Variants in GNL3L observed in about 807,000 individuals in gnomAD.
GNL3L encodes guanine nucleotide-binding protein-like 3-like protein.
A neutral mutation model predicts 42.9 loss-of-function variants in GNL3L; 4 were observed. The observed-to-expected ratio is 0.09, with a 90% CI of 0.05 to 0.21. The LOEUF is 0.21. Among genes scored for constraint, GNL3L ranks in the 10% least tolerant of loss-of-function variants. The probability of loss-of-function intolerance (pLI) is 1.00; values close to 1 mark genes in which losing one functional copy is unlikely to be tolerated. For synonymous variants in GNL3L, 159 were observed against 176.3 expected (o/e 0.90, Z 0.78); for missense variants, 412 against 481.7 (o/e 0.86, Z 1.36).
Position 54,562,251 on chromosome X carries a change from G to A in GNL3L, c.*1649G>A, listed in dbSNP as rs2147499348. Among the ~76,000 whole-genome samples, 1 of 112,130 alleles carries A rather than the reference G, an allele frequency of 8.9e-6. No homozygotes were observed. Among genetic ancestry groups the A allele is most frequent in the South Asian group, 3.7e-4 (1 of 2,685 alleles). On this transcript the variant is annotated 3_prime_UTR_variant, in exon 16 of 16. Transcript: ENST00000360845. ...AGTAGAGACGATGTTTCACCATGTT[G>A]ACCAGGCTGGTCTCGAACTCTTGAC...
rs1483786746 is a variant in GNL3L, at chrX:54,564,498, C to T, written c.*3896C>T. On this transcript the variant is annotated 3_prime_UTR_variant, in exon 16 of 16. Transcript: ENST00000360845. The stretch of plus-strand genomic sequence containing the variant: ...TCTCGGTTCACTGCAACCTCCGCCT[C>T]CAGGGTTCAAGCGGTTCTCCTGCCT... Among the ~76,000 whole-genome samples, 1 of 103,876 alleles carries T rather than the reference C, an allele frequency of 9.6e-6. No individual in the cohort carries two copies. The highest frequency in any genetic ancestry group is 2.0e-5 in the Non-Finnish European group (1 of 51,054). 90.2% of individuals were successfully genotyped at this position (103,876 alleles called of 115,157 possible).
At chrX:54,572,750 G>C (rs1274705172) in intron 16 of GNL3L, among the ~76,000 whole-genome samples, 1 of 110,156 alleles carries the variant, frequency 9.1e-6, no homozygotes, top group East Asian at 2.9e-4. Flanking sequence ...CTTCCCAGAC[G>C]GGGTGGCTGC....
rs1339187477 is a variant in GNL3L, at chrX:54,564,916, T to G, written c.*4314T>G. Among the ~76,000 whole-genome samples, 1 of 106,482 alleles carries G rather than the reference T, an allele frequency of 9.4e-6. No individual in the cohort carries two copies. Among genetic ancestry groups the G allele is most frequent in the African/African-American group, 3.4e-5 (1 of 29,079 alleles). The allele number at this position is 106,482 out of a possible 115,157, so 92.5% of individuals were successfully genotyped here. On this transcript the variant is annotated 3_prime_UTR_variant, in exon 16 of 16. Transcript: ENST00000360845. ...GCTGGGCTAATTTTTGTATTTTTAG[T>G]AGAGGCGGGGGTTTCTCCACACTGG...
At chrX:54,628,913 T>TAATATAATTATAAAATATAATTATATAA in the GNL3L span, among the ~76,000 whole-genome samples, 1,187 of 101,717 alleles carry the variant, frequency 0.012, 13 homozygotes, top group Non-Finnish European at 0.018. Context: ...AAACATAATA[T>TAATATAATTATAAAATATAATTATATAA]AATATAATTA....
At chrX:54,620,136 T>C (rs1013608273) in intron 16 of GNL3L, among the ~76,000 whole-genome samples, 27 of 111,613 alleles carry the variant, frequency 2.4e-4, no homozygotes, top group Admixed American at 1.8e-3. Context: ...AATACAATTA[T>C]ACTCTTTCGG....
At chrX:54,606,641 A>ATTTT (rs762901505) in intron 16 of GNL3L, among the ~76,000 whole-genome samples, 3 of 99,668 alleles carry the variant, frequency 3.0e-5, no homozygotes, top group Non-Finnish European at 5.9e-5. Context: ...ATGCCAGGCC[A>ATTTT]ATTTTTTTTT....
the GNL3L span, among the ~76,000 whole-genome samples, chrX:54,630,736 CTT>C: frequency 3.0e-4 from 22 of 74,243 alleles, no homozygotes; most frequent in African/African-American, 1.9e-3. Context: ...TTCTTTCTTT[CTT>C]TCTCTTTCTT....
rs1395590946 is a variant in GNL3L at position 54,558,019 on chromosome X, G to C, written c.1447-417G>C. Reference sequence around the variant, plus strand: ...TTGCCTCAGCCTCCCGAGTAGCTAGGACTACAGGCGTGTGCCACCATTCCC... The same window carrying C: ...TTGCCTCAGCCTCCCGAGTAGCTAGCACTACAGGCGTGTGCCACCATTCCC... On this transcript the variant is annotated intron_variant, in intron 14 of 15. Transcript: ENST00000360845. 4.5e-5 allele frequency among the ~76,000 whole-genome samples: 5 copies of C among 110,763 alleles called. No homozygotes were observed. The Admixed American group carries it at 4.8e-4, about 11-fold the overall frequency.
the GNL3L span, among the ~76,000 whole-genome samples, chrX:54,642,704 CA>C: frequency 0.01 from 1,117 of 111,191 alleles, 10 homozygotes; most frequent in African/African-American, 0.035. Context: ...AAATAGCCCA[CA>C]CAACTCTTGG....
At chrX:54,540,074 T>C (rs1426030433) in intron 3 of GNL3L, 61 bp from the exon 4 acceptor site, 6 of 736,887 alleles carry the variant, frequency 8.1e-6, no homozygotes, top group Non-Finnish European at 1.3e-5. Context: ...TCTTGCTGCC[T>C]TTTTGAGGTG....
chrX:54,644,757 C>T, the GNL3L span, among the ~76,000 whole-genome samples: 1 of 111,549 alleles, frequency 9.0e-6, no homozygotes, highest in East Asian at 2.8e-4. Context: ...ACTTATTCTT[C>T]CAGGTGAATC....
intron 16 of GNL3L, among the ~76,000 whole-genome samples, chrX:54,572,802 G>A (rs896219442): frequency 5.6e-5 from 6 of 107,321 alleles, no homozygotes; most frequent in Non-Finnish European, 9.7e-5. Context: ...GGCAGCTGCC[G>A]GGCGGAGGGT....
At chrX:54,572,608 G>A (rs1162480819) in intron 16 of GNL3L, among the ~76,000 whole-genome samples, 3 of 101,592 alleles carry the variant, frequency 3.0e-5, no homozygotes, top group East Asian at 3.4e-4. Flanking sequence ...CTCACCTCCC[G>A]GATGGGGCGG....
At chrX:54,610,374 C>G (rs1429243795) in intron 16 of GNL3L, among the ~76,000 whole-genome samples, 1 of 111,276 alleles carries the variant, frequency 9.0e-6, no homozygotes, top group African/African-American at 3.3e-5. Context: ...CTGGCTAGGA[C>G]TTCTAGCACT....
chrX:54,568,585 A>G (rs2147506489), downstream of GNL3L, among the ~76,000 whole-genome samples: 1 of 106,264 alleles, frequency 9.4e-6, no homozygotes, highest in Non-Finnish European at 1.9e-5. Context: ...GGAGTCTCAC[A>G]CACTGTCGCC....
intron 16 of GNL3L, among the ~76,000 whole-genome samples, chrX:54,592,552 A>C (rs1925883565): frequency 8.9e-6 from 1 of 111,916 alleles, no homozygotes; most frequent in Non-Finnish European, 1.9e-5. Context: ...GCAGTGGCTC[A>C]TGCCTGTAAT....
At chrX:54,569,327 T>C (rs919870025), downstream of GNL3L, among the ~76,000 whole-genome samples, 6 of 111,969 alleles carry the variant, frequency 5.4e-5, no homozygotes, top group Non-Finnish European at 1.1e-4. Context: ...GTAAGTTTTA[T>C]TTGTGGGAAG....
At chrX:54,551,793 A>G (rs757473732) in intron 11 of GNL3L, 39 bp from the exon 12 acceptor site, 2 of 1,208,524 alleles carry the variant, frequency 1.7e-6, no homozygotes, top group East Asian at 3.0e-5. Flanking sequence ...AGGGCCCTTC[A>G]TTCCTCCTCA....
intron 16 of GNL3L, among the ~76,000 whole-genome samples, chrX:54,584,896 C>T (rs776572164): frequency 1.6e-4 from 18 of 112,331 alleles, no homozygotes; most frequent in African/African-American, 2.9e-4. Context: ...AGCGATTCTC[C>T]GGTCTCAGCC....
Sources: gnomAD v4.1 joint callset for allele counts (sites outside exome capture counted in the v4.1 genomes callset) on GRCh38, gnomAD v4.1.1 for gene constraint, MANE v1.5 for transcripts, NCBI Gene and HGNC (gene_info 2026-07-23, HGNC 2026-07-21) for gene names.